The following PIK3R3 variants were observed in gnomAD, a reference collection of about 807,000 sequenced individuals.
PIK3R3 encodes the protein phosphoinositide-3-kinase regulatory subunit 3.
A neutral mutation model predicts 62.9 loss-of-function variants in PIK3R3; 64 were observed. The observed-to-expected ratio is 1.02, with a 90% CI of 0.83 to 1.25. PIK3R3 has a LOEUF of 1.25. Among genes scored for constraint, PIK3R3 ranks in the 50% most tolerant of loss-of-function variants. The pLI is 0.00. For missense variants in PIK3R3, 614 were observed against 561.6 expected (o/e 1.09, Z -0.94); for synonymous variants, 165 against 189.0 (o/e 0.87, Z 1.04).
the PIK3R3 span, among the ~76,000 whole-genome samples, chr1:46,172,647 G>A: frequency 6.6e-6 from 1 of 152,170 alleles, no homozygotes; most frequent in African/African-American, 2.4e-5. Context: ...CTAAGGTCAG[G>A]TCACTGCACT....
the PIK3R3 span, among the ~76,000 whole-genome samples, chr1:46,168,187 A>C: frequency 5.9e-5 from 9 of 152,162 alleles, no homozygotes; most frequent in African/African-American, 2.2e-4. Flanking sequence ...TAAATTTAAA[A>C]AAAAATACCT....
At chr1:46,094,060 C>A (rs563662167) in intron 1 of PIK3R3, among the ~76,000 whole-genome samples, 2 of 150,766 alleles carry the variant, frequency 1.3e-5, no homozygotes, top group Admixed American at 6.6e-5. Flanking sequence ...CAGAGTGAGA[C>A]CCTGTCTCAA....
intron 1 of PIK3R3, among the ~76,000 whole-genome samples, chr1:46,081,825 A>T (rs115011998): frequency 8.9e-4 from 135 of 152,314 alleles, no homozygotes; most frequent in Non-Finnish European, 1.6e-3. Flanking sequence ...TCATGTGCCA[A>T]AAAGGAAGGA....
At chr1:46,050,934 A>C (rs572168131) in intron 7 of PIK3R3, among the ~76,000 whole-genome samples, 43 of 152,378 alleles carry the variant, frequency 2.8e-4, no homozygotes, top group African/African-American at 9.4e-4. Context: ...TAAGTGAAAG[A>C]AGCCAGTCAC....
the PIK3R3 span, among the ~76,000 whole-genome samples, chr1:46,168,429 G>A: frequency 6.6e-6 from 1 of 152,144 alleles, no homozygotes; most frequent in African/African-American, 2.4e-5. Context: ...GTGACCCTTG[G>A]AAGGGCCTGT....
At chr1:46,048,327 G>A (rs972636498) in intron 7 of PIK3R3, 5 of 152,156 alleles carry the variant, frequency 3.3e-5, no homozygotes, top group African/African-American at 1.2e-4. Context: ...TTAAAGTTCT[G>A]TTAGACAGAT....
chr1:46,074,299 A>AAAC, intron 3 of PIK3R3, among the ~76,000 whole-genome samples: 1 of 142,316 alleles, frequency 7.0e-6, no homozygotes, highest in Non-Finnish European at 1.5e-5. Context: ...AAAAAAAAAA[A>AAAC]AAAAAAAAAA....
At chr1:46,147,934 T>C in the PIK3R3 span, among the ~76,000 whole-genome samples, 1 of 152,132 alleles carries the variant, frequency 6.6e-6, no homozygotes, top group African/African-American at 2.4e-5. Flanking sequence ...AGTAAGAAAA[T>C]TGACTTCCTT....
chr1:46,117,277 CA>C (rs1654268778), intron 1 of PIK3R3, among the ~76,000 whole-genome samples: 1 of 151,790 alleles, frequency 6.6e-6, no homozygotes, highest in Non-Finnish European at 1.5e-5. Context: ...TACAAAAAAT[CA>C]AAAAATTAGC....
At chr1:46,114,998 C>T (rs1000384253) in intron 1 of PIK3R3, among the ~76,000 whole-genome samples, 2 of 152,034 alleles carry the variant, frequency 1.3e-5, no homozygotes, top group African/African-American at 4.8e-5. Context: ...CAGAAAGCTA[C>T]CCAGATTTTA....
At chr1:46,103,494 C>T (rs563310409) in intron 1 of PIK3R3, among the ~76,000 whole-genome samples, 3 of 152,018 alleles carry the variant, frequency 2.0e-5, no homozygotes, top group South Asian at 2.1e-4. Context: ...TGTTTGAACC[C>T]GGGAGGTGGA....
chr1:46,130,601 A>G (rs1192558225), intron 1 of PIK3R3, among the ~76,000 whole-genome samples: 1 of 152,194 alleles, frequency 6.6e-6, no homozygotes, highest in Non-Finnish European at 1.5e-5. Context: ...TTGCAAGGAC[A>G]CAGGAAACAA....
chr1:46,132,947 G>A (rs1407091780), upstream of PIK3R3: 7 of 1,149,594 alleles, frequency 6.1e-6, no homozygotes, highest in South Asian at 1.7e-5. Flanking sequence ...CGCACTCCAG[G>A]AGTCAGTGCC....
At chr1:46,165,494 G>T in the PIK3R3 span, among the ~76,000 whole-genome samples, 1,791 of 151,436 alleles carry the variant, frequency 0.012, 17 homozygotes, top group Non-Finnish European at 0.018. Flanking sequence ...TAGTAGAGAC[G>T]GGGTTTACTC....
chr1:46,131,273 C>T (rs1171573381), intron 1 of PIK3R3, among the ~76,000 whole-genome samples: 2 of 152,090 alleles, frequency 1.3e-5, no homozygotes, highest in African/African-American at 4.8e-5. Context: ...TGGCTGAATA[C>T]GAACGCCCAA....
intron 6 of PIK3R3, chr1:46,057,291 TAA>T (rs1648017164): frequency 6.6e-6 from 1 of 152,390 alleles, no homozygotes; most frequent in Non-Finnish European, 1.5e-5. Context: ...ACTGTAAGCC[TAA>T]TTAAGCCTCT....
At chr1:46,090,597 T>C (rs1435054361) in intron 1 of PIK3R3, among the ~76,000 whole-genome samples, 1 of 151,922 alleles carries the variant, frequency 6.6e-6, no homozygotes, top group Non-Finnish European at 1.5e-5. Flanking sequence ...CCTCCCAAAG[T>C]ATTGGGATTA....
chr1:46,082,835 C>T lies in PIK3R3; in HGVS notation c.107-2085G>A, dbSNP rs928504791. Among the ~76,000 whole-genome samples the T allele has an allele frequency of 1.9e-4, 29 of 152,128 alleles. No individual in the cohort carries two copies. The Middle Eastern group carries it at 0.01, about 54-fold the overall frequency. ...ATCCCAGCACTTTGAGAGGTGGAGG[C>T]GGACAGATCAGCTGAGGTCAGGAGT... On this transcript the variant is annotated intron_variant, in intron 1 of 9. Coordinates refer to ENST00000262741, the MANE Select transcript of PIK3R3 (RefSeq NM_003629.4).
chr1:46,124,210 T>C (rs1005565949), intron 1 of PIK3R3, among the ~76,000 whole-genome samples: 38 of 152,194 alleles, frequency 2.5e-4, no homozygotes, highest in Non-Finnish European at 1.2e-4. Context: ...GATATTGATA[T>C]GGTACATTTA....
Sources: allele counts gnomAD v4.1 joint callset (sites outside exome capture counted in the v4.1 genomes callset), GRCh38; gene constraint gnomAD v4.1.1; transcripts MANE v1.5; gene names NCBI Gene and HGNC (gene_info 2026-07-23, HGNC 2026-07-21).